The following FBXL7 variants were observed in gnomAD, a reference collection of about 807,000 sequenced individuals.
FBXL7 encodes F-box/LRR-repeat protein 7.
A neutral mutation model predicts 38.3 loss-of-function variants in FBXL7; 12 were observed. The observed-to-expected ratio is 0.31, with a 90% CI of 0.20 to 0.51. FBXL7 has a LOEUF of 0.51. FBXL7 is among the 20% of genes least tolerant of loss of function. The pLI is 0.98. For missense variants in FBXL7, 567 were observed against 676.4 expected (o/e 0.84, Z 1.79); for synonymous variants, 297 against 300.9 (o/e 0.99, Z 0.13).
intron 2 of FBXL7, among the ~76,000 whole-genome samples, chr5:15,734,121 A>G (rs1735686627): frequency 6.6e-6 from 1 of 151,944 alleles, no homozygotes; most frequent in Non-Finnish European, 1.5e-5. Flanking sequence ...TCTCAAAAAA[A>G]AAAAAAAAAA....
At chr5:15,653,680 A>G (rs1029775144) in intron 2 of FBXL7, among the ~76,000 whole-genome samples, 2 of 152,340 alleles carry the variant, frequency 1.3e-5, no homozygotes, top group Non-Finnish European at 2.9e-5. Flanking sequence ...AATATGTAAA[A>G]GCCATTGACC....
chr5:15,859,634 A>G (rs1350144883), intron 2 of FBXL7, among the ~76,000 whole-genome samples: 1 of 152,088 alleles, frequency 6.6e-6, no homozygotes, highest in African/African-American at 2.4e-5. Context: ...TTATAAAAAC[A>G]ATCAGATCTC....
intron 2 of FBXL7, among the ~76,000 whole-genome samples, chr5:15,888,753 A>G: frequency 6.6e-6 from 1 of 152,202 alleles, no homozygotes; most frequent in Admixed American, 6.5e-5. Context: ...TTTACAAAAA[A>G]ATGGCAAAAT....
chr5:15,725,040 A>G lies in FBXL7; in HGVS notation c.127+108968A>G, dbSNP rs547589640. Among the ~76,000 whole-genome samples, 12 of 152,276 alleles carry G rather than the reference A, an allele frequency of 7.9e-5. No homozygotes were observed. The East Asian group carries it at 2.1e-3, about 27-fold the overall frequency. On this transcript the variant is annotated intron_variant, in intron 2 of 3. Transcript: ENST00000504595. ...TTTCTTGATCCCTGTCAGTAAAACC[A>G]TTCATATACTTGTGACATTAGGACT...
In FBXL7 at chr5:15,939,149, T is replaced by C. The variant is rs1742278773; in HGVS notation, c.*1963T>C. ...TCAAACATCATGGCCTCCCATCCAA[T>C]CAACATCATCAAATTACATGTGTAA... On this transcript the variant is annotated 3_prime_UTR_variant, in exon 4 of 4. Coordinates refer to ENST00000504595, the MANE Select transcript of FBXL7 (RefSeq NM_012304.5). 5.0e-6 allele frequency: 2 copies of C among 398,474 alleles called. No homozygotes were observed. Among genetic ancestry groups the C allele is most frequent in the African/African-American group, 4.1e-5 (2 of 48,600 alleles). 24.7% of individuals were successfully genotyped at this position (398,474 alleles called of 1,614,324 possible). A position where few individuals can be genotyped will look rare whatever the true frequency, so the allele number is the denominator to read the frequency against.
chr5:15,738,620 G>A (rs1735817989), intron 2 of FBXL7, among the ~76,000 whole-genome samples: 1 of 152,100 alleles, frequency 6.6e-6, no homozygotes, highest in African/African-American at 2.4e-5. Flanking sequence ...AATAAGACCT[G>A]CTTACTTTCT....
intron 1 of FBXL7, among the ~76,000 whole-genome samples, chr5:15,608,235 C>T (rs1215938997): frequency 6.6e-6 from 1 of 152,118 alleles, no homozygotes; most frequent in East Asian, 1.9e-4. Flanking sequence ...GTCATGGTTT[C>T]ATGCTTTACC....
intron 2 of FBXL7, among the ~76,000 whole-genome samples, chr5:15,905,197 T>C (rs892180311): frequency 5.3e-5 from 8 of 152,248 alleles, no homozygotes; most frequent in Non-Finnish European, 1.2e-4. Context: ...AAGCAATCTT[T>C]TAGCTATAAG....
At chr5:15,668,001 A>G (rs1225397705) in intron 2 of FBXL7, among the ~76,000 whole-genome samples, 1 of 152,192 alleles carries the variant, frequency 6.6e-6, no homozygotes, top group Non-Finnish European at 1.5e-5. Context: ...TTAAGTGAGC[A>G]CAGTATGCAG....
intron 2 of FBXL7, among the ~76,000 whole-genome samples, chr5:15,636,541 C>A (rs2126549241): frequency 6.6e-6 from 1 of 152,292 alleles, no homozygotes; most frequent in South Asian, 2.1e-4. Flanking sequence ...CAGTAACAGC[C>A]AATTTGGCTG....
chr5:15,669,130 G>A (rs894864534), intron 2 of FBXL7, among the ~76,000 whole-genome samples: 4 of 152,154 alleles, frequency 2.6e-5, no homozygotes, highest in African/African-American at 9.6e-5. Context: ...CAGTGTTCAC[G>A]CTCGAATTTG....
intron 2 of FBXL7, among the ~76,000 whole-genome samples, chr5:15,633,085 G>A (rs1210664945): frequency 2.0e-5 from 3 of 152,094 alleles, no homozygotes; most frequent in East Asian, 1.9e-4. Flanking sequence ...ATTATGAAGC[G>A]GTATTTCTTA....
intron 2 of FBXL7, among the ~76,000 whole-genome samples, chr5:15,724,871 A>T (rs1744298542): frequency 6.6e-6 from 1 of 152,178 alleles, no homozygotes; most frequent in Non-Finnish European, 1.5e-5. Flanking sequence ...AACTATTTTC[A>T]GCTTTTGGGT....
At chr5:15,809,340 T>G (rs1737794142) in intron 2 of FBXL7, among the ~76,000 whole-genome samples, 1 of 152,164 alleles carries the variant, frequency 6.6e-6, no homozygotes. Context: ...ATCACTGTGG[T>G]TAAAAGCACA....
At chr5:15,719,697 T>C (rs1744141214) in intron 2 of FBXL7, among the ~76,000 whole-genome samples, 1 of 148,946 alleles carries the variant, frequency 6.7e-6, no homozygotes, top group African/African-American at 2.4e-5. Context: ...GTGTTTATCT[T>C]TCTAAAATCT....
At chr5:15,696,144 T>TG (rs1229702482) in intron 2 of FBXL7, among the ~76,000 whole-genome samples, 1 of 152,142 alleles carries the variant, frequency 6.6e-6, no homozygotes, top group Admixed American at 6.6e-5. Flanking sequence ...TTTCTGGGAG[T>TG]GAAACAGTGC....
rs1156291109 is a variant in FBXL7 at position 15,502,056 on chromosome 5, ATAT to A, written c.37+1347_37+1349del. On this transcript the variant is annotated intron_variant, in intron 1 of 3. Transcript: ENST00000504595. ...CACTCCCCAAAACGTCTTAGAGTTA[ATAT>A]TATAAAAATGTGAGGAAAAGTAAGT... Among the ~76,000 whole-genome samples the A allele has an allele frequency of 5.9e-5, 9 of 152,224 alleles. No homozygotes were observed. The East Asian group carries it at 1.4e-3, about 23-fold the overall frequency.
At chr5:15,597,058 T>G (rs1460402467) in intron 1 of FBXL7, among the ~76,000 whole-genome samples, 1 of 152,186 alleles carries the variant, frequency 6.6e-6, no homozygotes, top group South Asian at 2.1e-4. Context: ...GGGCTGGACA[T>G]GTGATTGGCA....
chr5:15,638,137 C>T (rs1225555145), intron 2 of FBXL7, among the ~76,000 whole-genome samples: 1 of 152,142 alleles, frequency 6.6e-6, no homozygotes, highest in Non-Finnish European at 1.5e-5. Context: ...GGAAGGAGAA[C>T]AATAATTCAA....
Sources: gnomAD v4.1 joint callset for allele counts (sites outside exome capture counted in the v4.1 genomes callset) on GRCh38, gnomAD v4.1.1 for gene constraint, MANE v1.5 for transcripts, NCBI Gene and HGNC (gene_info 2026-07-23, HGNC 2026-07-21) for gene names.